CNTNAP2: variants seen among roughly 807,000 people sequenced by gnomAD.
CNTNAP2 encodes contactin associated protein 2.
In CNTNAP2, 98 loss-of-function variants were observed where a neutral mutation model predicts 155.2. The ratio of observed to expected loss-of-function variants is 0.63; its 90% CI spans 0.54 to 0.75. The LOEUF (loss-of-function observed/expected upper bound fraction) is 0.75, where lower values mean the gene tolerates loss of function less well. Among genes scored for constraint, CNTNAP2 ranks in the 30% least tolerant of loss-of-function variants. The probability of loss-of-function intolerance (pLI) is 0.00; values close to 1 mark genes in which losing one functional copy is unlikely to be tolerated. For missense variants in CNTNAP2, 1,727 were observed against 1,688.1 expected (o/e 1.02, Z -0.40); for synonymous variants, 651 against 631.2 (o/e 1.03, Z -0.47).
At chr7:146,905,617 A>G (rs948511464) in intron 3 of CNTNAP2, among the ~76,000 whole-genome samples, 4 of 152,212 alleles carry the variant, frequency 2.6e-5, no homozygotes, top group African/African-American at 9.6e-5. Context: ...AGAGACTCAA[A>G]GAAGTCTAAT....
intron 3 of CNTNAP2, among the ~76,000 whole-genome samples, chr7:146,914,031 C>T (rs1365718015): frequency 2.0e-5 from 3 of 152,032 alleles, no homozygotes; most frequent in Non-Finnish European, 4.4e-5. Context: ...TGAGTTACTT[C>T]ACTTAGAATA....
intron 1 of CNTNAP2, among the ~76,000 whole-genome samples, chr7:146,138,084 T>C (rs1241286662): frequency 1.3e-5 from 2 of 152,108 alleles, no homozygotes; most frequent in African/African-American, 4.8e-5. Flanking sequence ...TGTGACATAA[T>C]ATAAGAAAAG....
intron 1 of CNTNAP2, among the ~76,000 whole-genome samples, chr7:146,262,260 T>A (rs1408248703): frequency 6.6e-6 from 1 of 152,152 alleles, no homozygotes; most frequent in Non-Finnish European, 1.5e-5. Flanking sequence ...TAAACCATAA[T>A]TCCTAAAATG....
intron 3 of CNTNAP2, among the ~76,000 whole-genome samples, chr7:146,921,863 C>T (rs1420916934): frequency 6.6e-6 from 1 of 152,108 alleles, no homozygotes; most frequent in African/African-American, 2.4e-5. Context: ...CTGAAATAAG[C>T]TTCTGTGAAT....
chr7:147,960,872 T>A (rs578109168), intron 14 of CNTNAP2, among the ~76,000 whole-genome samples: 1 of 152,112 alleles, frequency 6.6e-6, no homozygotes, highest in African/African-American at 2.4e-5. Context: ...GCCCTAGAAA[T>A]AAGTCTTTTT....
intron 1 of CNTNAP2, among the ~76,000 whole-genome samples, chr7:146,399,080 A>AAT (rs72573408): frequency 0.15 from 18,671 of 120,792 alleles, 1,597 homozygotes; most frequent in African/African-American, 0.4. Context: ...TGACAAATAA[A>AAT]CATATATATT....
At chr7:146,853,042 C>G (rs1048207516) in intron 3 of CNTNAP2, among the ~76,000 whole-genome samples, 1 of 152,114 alleles carries the variant, frequency 6.6e-6, no homozygotes, top group African/African-American at 2.4e-5. Context: ...GTCATTCAGG[C>G]TCTTTACATT....
intron 16 of CNTNAP2, among the ~76,000 whole-genome samples, chr7:148,130,336 G>A (rs1431331030): frequency 6.6e-6 from 1 of 152,156 alleles, no homozygotes; most frequent in Non-Finnish European, 1.5e-5. Flanking sequence ...GTCATAAAAG[G>A]CAGCTGGAAC....
At chr7:147,176,290 T>C (rs1037066631) in intron 8 of CNTNAP2, among the ~76,000 whole-genome samples, 2 of 152,204 alleles carry the variant, frequency 1.3e-5, no homozygotes, top group Non-Finnish European at 2.9e-5. Flanking sequence ...TTAAATGTGG[T>C]CCCTTCAGTG....
At chr7:148,150,896 C>T (rs1033616084) in intron 17 of CNTNAP2, among the ~76,000 whole-genome samples, 2 of 151,966 alleles carry the variant, frequency 1.3e-5, no homozygotes, top group Non-Finnish European at 2.9e-5. Flanking sequence ...GCTCATGCCA[C>T]CATGCCTGGC....
chr7:146,628,915 G>A (rs1799465336), intron 1 of CNTNAP2, among the ~76,000 whole-genome samples: 1 of 152,014 alleles, frequency 6.6e-6, no homozygotes, highest in African/African-American at 2.4e-5. Context: ...ATAACCTACT[G>A]CACACTCTAT....
intron 13 of CNTNAP2, among the ~76,000 whole-genome samples, chr7:147,680,716 C>G (rs879709229): frequency 5.3e-5 from 8 of 151,892 alleles, no homozygotes; most frequent in Non-Finnish European, 8.8e-5. Flanking sequence ...ATAAGTCATA[C>G]AGTCATTCTG....
intron 1 of CNTNAP2, among the ~76,000 whole-genome samples, chr7:146,395,821 A>AG (rs1563068379): frequency 4.3e-4 from 59 of 136,634 alleles, no homozygotes; most frequent in African/African-American, 1.8e-3. Context: ...AGATAGATAG[A>AG]TAGAGGAGAG....
At chr7:146,287,186 A>G (rs1055886219) in intron 1 of CNTNAP2, among the ~76,000 whole-genome samples, 1 of 152,334 alleles carries the variant, frequency 6.6e-6, no homozygotes. Context: ...CTTTTTACAA[A>G]CTAACAAAAT....
At chr7:146,573,580 T>C (rs754833858) in intron 1 of CNTNAP2, among the ~76,000 whole-genome samples, 1 of 152,130 alleles carries the variant, frequency 6.6e-6, no homozygotes, top group Non-Finnish European at 1.5e-5. Flanking sequence ...AAATATCATA[T>C]TGAATAGTGT....
chr7:146,899,858 T>G (rs1201565446), intron 3 of CNTNAP2, among the ~76,000 whole-genome samples: 1 of 152,190 alleles, frequency 6.6e-6, no homozygotes, highest in Non-Finnish European at 1.5e-5. Context: ...GACAGTGCAT[T>G]ATGATAAGAG....
intron 3 of CNTNAP2, among the ~76,000 whole-genome samples, chr7:147,039,798 A>T (rs1799224933): frequency 6.6e-6 from 1 of 152,232 alleles, no homozygotes; most frequent in Non-Finnish European, 1.5e-5. Flanking sequence ...CCAACAGTGT[A>T]TAAGTATTTC....
intron 8 of CNTNAP2, among the ~76,000 whole-genome samples, chr7:147,226,934 C>T (rs1803559912): frequency 6.6e-6 from 1 of 152,122 alleles, no homozygotes; most frequent in Non-Finnish European, 1.5e-5. Flanking sequence ...ACAGTTCTGT[C>T]CTCACTGAGC....
chr7:147,873,135 G>C (rs1396169655), intron 13 of CNTNAP2, among the ~76,000 whole-genome samples: 1 of 152,188 alleles, frequency 6.6e-6, no homozygotes, highest in Non-Finnish European at 1.5e-5. Context: ...CCACGCTCCA[G>C]CTTGGGATCA....
Sources: allele counts gnomAD v4.1 joint callset (sites outside exome capture counted in the v4.1 genomes callset), GRCh38; gene constraint gnomAD v4.1.1; transcripts MANE v1.5; gene names NCBI Gene and HGNC (gene_info 2026-07-23, HGNC 2026-07-21).